Variants in CES2 observed in about 807,000 individuals in gnomAD.
CES2 encodes the protein cocaine esterase.
Under a neutral mutation model 52.1 loss-of-function variants are expected in CES2, and 42 were observed. The observed-to-expected ratio is 0.81, with a 90% CI of 0.63 to 1.04. CES2 has a LOEUF of 1.04. CES2 is among the 50% of genes least tolerant of loss of function. CES2 has a pLI of 0.00. For missense variants in CES2, 656 were observed against 724.3 expected (o/e 0.91, Z 1.08); for synonymous variants, 277 against 289.6 (o/e 0.96, Z 0.44).
chr16:66,943,431 C>T lies in CES2; in HGVS notation c.1493+60C>T. On this transcript the variant is annotated intron_variant, in intron 11 of 11. Transcript: ENST00000317091. This position sits in a 1 kb window ranked among gnomAD's most constrained non-coding sequence, Gnocchi z 4.2. Reference sequence around the variant, plus strand: ...TTGGGGGACTTGTGCCCATCCAGTGCTCTCCTAGTCTGGGGTGACCTCATG... The same window carrying T: ...TTGGGGGACTTGTGCCCATCCAGTGTTCTCCTAGTCTGGGGTGACCTCATG... 11 of 1,570,280 alleles carry T rather than the reference C, an allele frequency of 7.0e-6. No individual in the cohort carries two copies. Among genetic ancestry groups the T allele is most frequent in the Non-Finnish European group, 9.6e-6 (11 of 1,141,586 alleles).
chr16:66,936,627 G>T (rs1963222895), intron 1 of CES2, among the ~76,000 whole-genome samples: 1 of 152,198 alleles, frequency 6.6e-6, no homozygotes, highest in Admixed American at 6.5e-5. Flanking sequence ...GGCTCTGTGT[G>T]CCTGCCAGGC....
rs767987685 is a variant in CES2 at position 66,942,836 on chromosome 16, C to T, written c.1420+51C>T. The T allele has an allele frequency of 2.5e-6, 4 of 1,612,374 alleles. No homozygotes were observed. The Admixed American group carries it at 5.0e-5, about 20-fold the overall frequency. On this transcript the variant is annotated intron_variant, in intron 10 of 11. Coordinates refer to ENST00000317091, the MANE Select transcript of CES2 (RefSeq NM_001365405.1). ...GTGGGCTGGGATTCTGGCTGGGTCT[C>T]TGAGCGATGATTGATTGTCCTCACT...
Position 66,942,642 on chromosome 16 carries a change from C to T in CES2, c.1283-6C>T, listed in dbSNP as rs370988161. On this transcript the variant is annotated splice_polypyrimidine_tract_variant and splice_region_variant and intron_variant, in intron 9 of 11. Transcript: ENST00000317091. The stretch of plus-strand genomic sequence containing the variant: ...GCCACCGTGTCATGGGCTGTCCACC[C>T]CACAGGTTCCCGGGCCCCTGTGTAC... 1.2e-5 allele frequency: 19 copies of T among 1,614,010 alleles called. No homozygotes were observed. Among genetic ancestry groups the T allele is most frequent in the Non-Finnish European group, 1.4e-5 (17 of 1,179,998 alleles).
At position 66,938,079 on chromosome 16, in the gene CES2, A is replaced by C. The variant is rs1166811147; in HGVS notation, c.119A>C (p.Gln40Pro). The C allele has an allele frequency of 6.2e-7, 1 of 1,614,168 alleles. No homozygotes were observed. Residue 40 changes from glutamine (Q) to proline (P), a missense_variant, in exon 2 of 12, where the codon CAG (glutamine) becomes CCG (proline). Physicochemically the swap from Gln to Pro is moderately conservative, Grantham distance 76. Coordinates refer to ENST00000317091, the MANE Select transcript of CES2 (RefSeq NM_001365405.1). ...CCCATCCGGACCACACACACGGGGC[A>C]GGTGCTGGGGAGTCTTGTCCATGTG... is the stretch of plus-strand genomic sequence containing the variant. ...ASPIRTTHTG[Q>P]VLGSLVHVKG...
chr16:66,943,942 C>A lies in CES2; in HGVS notation c.1597C>A (p.His533Asn). The A allele has an allele frequency of 1.9e-6, 3 of 1,609,578 alleles. No homozygotes were observed. Among genetic ancestry groups the A allele is most frequent in the Non-Finnish European group, 2.5e-6 (3 of 1,176,804 alleles). The part of the protein sequence containing the change: ...QPAVGRALKA[H>N]RLQFWKKALP... ...TGCGGTGGGCCGGGCTCTGAAGGCC[C>A]ACAGGCTCCAGTTCTGGAAGAAGGC... is the stretch of plus-strand genomic sequence containing the variant. Residue 533 changes from histidine to asparagine, a missense_variant, in exon 12 of 12, where the codon CAC becomes AAC. By Grantham distance (68) the His-to-Asn change is moderately conservative. Coordinates refer to ENST00000317091, the MANE Select transcript of CES2 (RefSeq NM_001365405.1). This position sits in a 1 kb window ranked among gnomAD's most constrained non-coding sequence, Gnocchi z 4.2.
chr16:66,940,447 A>G lies in CES2; in HGVS notation c.568A>G (p.Lys190Glu). The change falls in exon 5 of 12, where the codon AAG becomes GAG. Residue 190 changes from lysine to glutamate, a missense_variant. By Grantham distance (56) the Lys-to-Glu change is moderately conservative. Transcript: ENST00000317091. ...GVLGFFSTGD[K>E]HATGNWGYLD... ...CCTGCTACTTCTCAGCACTGGAGAC[A>G]AGCACGCAACCGGCAACTGGGGCTA... The G allele has an allele frequency of 6.2e-7, 1 of 1,614,174 alleles. No individual in the cohort carries two copies. The highest frequency in any genetic ancestry group is 8.5e-7 in the Non-Finnish European group (1 of 1,180,016).
chr16:66,938,221 T>C lies in CES2; in HGVS notation c.261T>C (p.Asp87=). Residue 87 remains aspartate, a synonymous_variant, in exon 2 of 12, where the codon GAT becomes GAC. Coordinates refer to ENST00000317091, the MANE Select transcript of CES2 (RefSeq NM_001365405.1). Reference sequence around the variant, plus strand: ...CTGAATCTTGGAGTGGTGTGAGGGATGGAACCACCCATCCGGCCATGTAAG... The same window carrying C: ...CTGAATCTTGGAGTGGTGTGAGGGACGGAACCACCCATCCGGCCATGTAAG... The part of the protein sequence containing the change: ...EPPESWSGVR[D]GTTHPAMCLQ... 6.2e-7 allele frequency: 1 copy of C among 1,613,854 alleles called. No homozygotes were observed. The highest frequency in any genetic ancestry group is 1.1e-5 in the South Asian group (1 of 91,078).
intron 8 of CES2, 97 bp downstream of exon 8, chr16:66,941,945 C>T: frequency 6.4e-7 from 1 of 1,565,466 alleles, no homozygotes; most frequent in Non-Finnish European, 8.7e-7. Flanking sequence ...TATGTAGTGA[C>T]CCCCATGAGC....
Position 66,943,803 on chromosome 16 carries a change from C to T in CES2, c.1494-36C>T. Reference sequence around the variant, plus strand: ...TCTGGGCTTCGGGGGCCCAGAGTGACCCTCATACTGCCCTGCTGGGATGGC... The same window carrying T: ...TCTGGGCTTCGGGGGCCCAGAGTGATCCTCATACTGCCCTGCTGGGATGGC... On this transcript the variant is annotated intron_variant, in intron 11 of 11. Transcript: ENST00000317091. The surrounding 1 kb of genome is among the most constrained non-coding windows in gnomAD (Gnocchi z 4.2). The T allele has an allele frequency of 6.5e-7, 1 of 1,540,812 alleles. No homozygotes were observed. Among genetic ancestry groups the T allele is most frequent in the Admixed American group, 1.8e-5 (1 of 55,516 alleles).
chr16:66,942,027 A>T, intron 8 of CES2, 78 bp from the exon 9 acceptor site: 1 of 1,547,772 alleles, frequency 6.5e-7, no homozygotes, highest in Non-Finnish European at 8.8e-7. Flanking sequence ...TTCCTGTGCC[A>T]TCCCCAAGCC....
Position 66,944,306 on chromosome 16 carries a change from C to CAAAAAAAAAAAA in CES2, c.*288_*299dup, listed in dbSNP as rs35024917. Reference sequence around the variant, plus strand: ...AGGGCAACACAGTGAGACCCCTTCTCAAAAAAAAAAAAAAAAAAGAGAGAG... The same window carrying CAAAAAAAAAAAA: ...AGGGCAACACAGTGAGACCCCTTCTCAAAAAAAAAAAAAAAAAAAAAAAAAAAAAAGAGAGAG... On this transcript the variant is annotated 3_prime_UTR_variant, in exon 12 of 12. Transcript: ENST00000317091. 1.3e-5 allele frequency: 1 copy of CAAAAAAAAAAAA among 77,798 alleles called. No individual in the cohort carries two copies. Among genetic ancestry groups the CAAAAAAAAAAAA allele is most frequent in the Admixed American group, 1.6e-4 (1 of 6,270 alleles). 4.8% of individuals were successfully genotyped at this position (77,798 alleles called of 1,614,324 possible).
In CES2 at chr16:66,941,520, C is replaced by A; in HGVS notation, c.930C>A (p.Ile310=). ...ILAINKPFKM[I]PGVVDGVFLP... ...TTTCCCCTCAGCCTTTCAAGATGAT[C>A]CCCGGAGTGGTGGATGGGGTCTTCC... Residue 310 remains isoleucine, a synonymous_variant, in exon 7 of 12, where the codon ATC becomes ATA. Transcript: ENST00000317091. The A allele has an allele frequency of 6.2e-7, 1 of 1,614,098 alleles. No homozygotes were observed. Among genetic ancestry groups the A allele is most frequent in the Non-Finnish European group, 8.5e-7 (1 of 1,179,982 alleles).
chr16:66,940,726 C>T (rs1237088300), intron 5 of CES2, 31 bp downstream of exon 5: 2 of 1,603,788 alleles, frequency 1.2e-6, no homozygotes, highest in African/African-American at 1.3e-5. Context: ...AGGCCTAGGC[C>T]TGCTCCCTCC....
At position 66,942,003 on chromosome 16, in the gene CES2, G is replaced by A. The variant is rs915851307; in HGVS notation, c.1138-102G>A. The A allele has an allele frequency of 2.0e-5, 31 of 1,518,652 alleles. No homozygotes were observed. In the East Asian group the frequency reaches 2.1e-4, roughly 10 times the overall value. 94.1% of individuals were successfully genotyped at this position (1,518,652 alleles called of 1,614,324 possible). ...AGGGGTGGGGTCACCTCAGAGCCTC[G>A]CCTTTGCTCCCCCTTCCTGTGCCAT... On this transcript the variant is annotated intron_variant, in intron 8 of 11. Transcript: ENST00000317091.
At position 66,938,073 on chromosome 16, in the gene CES2, C is replaced by T. The variant is rs373640750; in HGVS notation, c.113C>T (p.Thr38Met). 2.2e-5 allele frequency: 36 copies of T among 1,614,096 alleles called. No individual in the cohort carries two copies. The highest frequency in any genetic ancestry group is 2.0e-4 in the South Asian group (18 of 91,096). ...GCCAGTCCCATCCGGACCACACACA[C>T]GGGGCAGGTGCTGGGGAGTCTTGTC... ...DSASPIRTTH[T>M]GQVLGSLVHV... is the part of the protein sequence containing the mutation. The change falls in exon 2 of 12, where the codon ACG becomes ATG. Residue 38 changes from threonine (T) to methionine (M), a missense_variant. Transcript: ENST00000317091.
chr16:66,941,719 C>A (rs754854149), intron 7 of CES2, 49 bp from the exon 8 acceptor site: 1 of 1,613,870 alleles, frequency 6.2e-7, no homozygotes, highest in Non-Finnish European at 8.5e-7. Flanking sequence ...GGCTTCATAG[C>A]TCCAGGCTCA....
At position 66,943,627 on chromosome 16, in the gene CES2, C is replaced by T; in HGVS notation, c.1494-212C>T. On this transcript the variant is annotated intron_variant, in intron 11 of 11. Coordinates refer to ENST00000317091, the MANE Select transcript of CES2 (RefSeq NM_001365405.1). This position sits in a 1 kb window ranked among gnomAD's most constrained non-coding sequence, Gnocchi z 4.2. ...GGCCTCCCTCTCAGAGAGAGGGACA[C>T]AACAGAGCTGGCTGCCCTCCCCCAA... 2 of 584,016 alleles carry T rather than the reference C, an allele frequency of 3.4e-6. No individual in the cohort carries two copies. The highest frequency in any genetic ancestry group is 6.2e-5 in the Admixed American group (2 of 32,342). The allele number at this position is 584,016 out of a possible 1,614,324, so 36.2% of individuals were successfully genotyped here.
chr16:66,938,040 A>C lies in CES2; in HGVS notation c.80A>C (p.Gln27Pro), dbSNP rs1339358251. The change falls in exon 2 of 12, where the codon CAG becomes CCG. Residue 27 changes from glutamine to proline, a missense_variant. Transcript: ENST00000317091. Reference protein sequence around the residue: ...LLLLLVRGQGQDSASPIRTTH... With the variant: ...LLLLLVRGQGPDSASPIRTTH... ...ATGTCTGTCTCTCTGCCCACAGGCCAGGACTCAGCCAGTCCCATCCGGACC... is the reference window on the plus strand; with the variant it reads ...ATGTCTGTCTCTCTGCCCACAGGCCCGGACTCAGCCAGTCCCATCCGGACC... 1 of 1,613,802 alleles carries C rather than the reference A, an allele frequency of 6.2e-7. No individual in the cohort carries two copies. Among genetic ancestry groups the C allele is most frequent in the Non-Finnish European group, 8.5e-7 (1 of 1,179,672 alleles).
rs1229206549 is a variant in CES2 at position 66,944,218 on chromosome 16, C to T, written c.*193C>T. 2 of 403,552 alleles carry T rather than the reference C, an allele frequency of 5.0e-6. No homozygotes were observed. Among genetic ancestry groups the T allele is most frequent in the African/African-American group, 2.1e-5 (1 of 48,364 alleles). The allele number at this position is 403,552 out of a possible 1,614,324, so 25.0% of individuals were successfully genotyped here. Reference sequence around the variant, plus strand: ...GCATGATGGCCCATACTTGTAATCCCAGCTATTGGGAAGGATGAGATGGGA... The same window carrying T: ...GCATGATGGCCCATACTTGTAATCCTAGCTATTGGGAAGGATGAGATGGGA... On this transcript the variant is annotated 3_prime_UTR_variant, in exon 12 of 12. Coordinates refer to ENST00000317091, the MANE Select transcript of CES2 (RefSeq NM_001365405.1).
Sources: allele counts gnomAD v4.1 joint callset (sites outside exome capture counted in the v4.1 genomes callset), GRCh38; gene constraint gnomAD v4.1.1; non-coding constraint Gnocchi (gnomAD v3.1); transcripts MANE v1.5; gene names NCBI Gene and HGNC (gene_info 2026-07-23, HGNC 2026-07-21).